The following PLGRKT variants were observed in gnomAD, a reference collection of about 807,000 sequenced individuals.
PLGRKT encodes the protein plasminogen receptor with a C-terminal lysine, also known as plasminogen receptor (KT).
Under a neutral mutation model 18.5 loss-of-function variants are expected in PLGRKT, and 22 were observed. The ratio of observed to expected loss-of-function variants is 1.19; its 90% CI spans 0.85 to 1.70. The LOEUF is 1.70. Among genes scored for constraint, PLGRKT ranks in the 40% most tolerant of loss-of-function variants. The pLI, the probability that PLGRKT is intolerant of heterozygous loss-of-function variation, is 0.00. For missense variants in PLGRKT, 235 were observed against 174.4 expected (o/e 1.35, Z -1.96); for synonymous variants, 72 against 52.8 (o/e 1.36, Z -1.58).
intron 3 of PLGRKT, 126 bp downstream of exon 3, chr9:5,431,771 G>A (rs1818830705): frequency 1.7e-6 from 1 of 598,878 alleles, no homozygotes; most frequent in East Asian, 2.8e-5. Context: ...TTTTATCTTG[G>A]TTTTAAGGAT....
In PLGRKT at chr9:5,358,234, T is replaced by C; in HGVS notation, c.*5A>G. On this transcript the variant is annotated 3_prime_UTR_variant, in exon 6 of 6. Coordinates refer to ENST00000223864, the MANE Select transcript of PLGRKT (RefSeq NM_018465.4). ...TGCTTTGAGATTTGATTGGTAAGCA[T>C]GATTTCATTTGTCTATGAAGAATCT... 1 of 1,606,376 alleles carries C rather than the reference T, an allele frequency of 6.2e-7. No homozygotes were observed. The highest frequency in any genetic ancestry group is 8.5e-7 in the Non-Finnish European group (1 of 1,174,090).
chr9:5,360,546 C>A (rs901933657), intron 5 of PLGRKT, among the ~76,000 whole-genome samples: 3 of 152,142 alleles, frequency 2.0e-5, no homozygotes, highest in Non-Finnish European at 4.4e-5. Flanking sequence ...GAAGTCAAGC[C>A]TTGATTTGGC....
intron 3 of PLGRKT, among the ~76,000 whole-genome samples, chr9:5,391,979 G>A (rs1427946465): frequency 1.3e-5 from 2 of 151,852 alleles, no homozygotes; most frequent in Non-Finnish European, 2.9e-5. Context: ...GCACAGAGAG[G>A]AGAAGTTGGT....
At chr9:5,387,330 C>G (rs899402652) in intron 3 of PLGRKT, among the ~76,000 whole-genome samples, 13 of 151,714 alleles carry the variant, frequency 8.6e-5, no homozygotes, top group Non-Finnish European at 1.6e-4. Context: ...ATTGAGTACC[C>G]AAGAGGAATG....
At chr9:5,384,510 T>C (rs1036147961) in intron 3 of PLGRKT, among the ~76,000 whole-genome samples, 2 of 152,176 alleles carry the variant, frequency 1.3e-5, no homozygotes, top group Non-Finnish European at 2.9e-5. Flanking sequence ...TGACTGTGAC[T>C]GTGTACTCAG....
At chr9:5,394,140 G>A (rs944205301) in intron 3 of PLGRKT, among the ~76,000 whole-genome samples, 5 of 151,908 alleles carry the variant, frequency 3.3e-5, no homozygotes, top group Admixed American at 3.3e-4. Flanking sequence ...TTTCGGAAGT[G>A]AAAGTTTCAA....
intron 5 of PLGRKT, 37 bp from the exon 6 acceptor site, chr9:5,358,397 G>C (rs751466611): frequency 1.9e-6 from 3 of 1,604,120 alleles, no homozygotes; most frequent in Admixed American, 1.7e-5. Context: ...GGTGACAAAG[G>C]GGTCATCAGC....
At chr9:5,367,956 G>C (rs903076430) in intron 3 of PLGRKT, among the ~76,000 whole-genome samples, 3 of 152,194 alleles carry the variant, frequency 2.0e-5, no homozygotes, top group African/African-American at 7.2e-5. Context: ...CTCAAAAGAA[G>C]ACATATGCTT....
At chr9:5,389,408 G>A (rs775898402) in intron 3 of PLGRKT, among the ~76,000 whole-genome samples, 1 of 151,894 alleles carries the variant, frequency 6.6e-6, no homozygotes. Context: ...AATTGTTTAT[G>A]TTCTGCAGGA....
intron 5 of PLGRKT, among the ~76,000 whole-genome samples, chr9:5,360,182 T>G (rs1310474244): frequency 6.6e-6 from 1 of 152,246 alleles, no homozygotes; most frequent in African/African-American, 2.4e-5. Flanking sequence ...GATAATAGTT[T>G]TTCAATATTA....
intron 3 of PLGRKT, among the ~76,000 whole-genome samples, chr9:5,370,390 T>C (rs1041191392): frequency 6.6e-6 from 1 of 152,208 alleles, no homozygotes; most frequent in African/African-American, 2.4e-5. Context: ...CACAAAACAT[T>C]GTATAACACA....
At chr9:5,365,872 G>T (rs544248918) in intron 3 of PLGRKT, among the ~76,000 whole-genome samples, 2 of 151,908 alleles carry the variant, frequency 1.3e-5, no homozygotes, top group East Asian at 3.8e-4. Context: ...ATTCTGAGTC[G>T]GTTCCCTTAC....
At chr9:5,379,192 A>G (rs1322672073) in intron 3 of PLGRKT, among the ~76,000 whole-genome samples, 2 of 152,230 alleles carry the variant, frequency 1.3e-5, no homozygotes, top group African/African-American at 4.8e-5. Flanking sequence ...ATCCATTAAT[A>G]GTTATTCACA....
intron 3 of PLGRKT, among the ~76,000 whole-genome samples, chr9:5,394,648 G>A (rs1031278459): frequency 6.6e-6 from 1 of 151,656 alleles, no homozygotes; most frequent in African/African-American, 2.4e-5. Flanking sequence ...CCTGACCTCA[G>A]GTGATCCACC....
rs1038116249 is a variant in PLGRKT, at chr9:5,418,907, C to G, written c.81+12990G>C. 2.4e-5 allele frequency: 22 copies of G among 904,612 alleles called. No homozygotes were observed. Among genetic ancestry groups the G allele is most frequent in the Non-Finnish European group, 3.6e-5 (20 of 560,354 alleles). The allele number at this position is 904,612 out of a possible 1,614,324, so 56.0% of individuals were successfully genotyped here. On this transcript the variant is annotated intron_variant, in intron 3 of 5. Coordinates refer to ENST00000223864, the MANE Select transcript of PLGRKT (RefSeq NM_018465.4). This position sits in a 1 kb window ranked among gnomAD's most constrained non-coding sequence, Gnocchi z 4.2. Reference sequence around the variant, plus strand: ...GTGTGCTTGCAATCCAGCAACTTGGCCTTCACTAGGGGCTGCAGTAATTAA... The same window carrying G: ...GTGTGCTTGCAATCCAGCAACTTGGGCTTCACTAGGGGCTGCAGTAATTAA...
intron 3 of PLGRKT, among the ~76,000 whole-genome samples, chr9:5,419,757 C>T (rs1204788089): frequency 6.6e-6 from 1 of 152,126 alleles, no homozygotes; most frequent in African/African-American, 2.4e-5. Flanking sequence ...AATGGTAACC[C>T]TTACACTTTA....
In PLGRKT at chr9:5,385,406, C is replaced by T. The variant is rs143619322; in HGVS notation, c.82-23518G>A. ...AGAGACATGGTTTCACTGTGTTAGC[C>T]AGGATGGTCTCGATCTCCTGACCTC... On this transcript the variant is annotated intron_variant, in intron 3 of 5. Transcript: ENST00000223864. Among the ~76,000 whole-genome samples the T allele has an allele frequency of 6.6e-3, 997 of 151,672 alleles. 19 individuals are homozygous for T. The highest frequency in any genetic ancestry group is 0.023 in the African/African-American group (957 of 41,176).
At chr9:5,427,417 G>GAA (rs367884089) in intron 3 of PLGRKT, among the ~76,000 whole-genome samples, 1 of 148,580 alleles carries the variant, frequency 6.7e-6, no homozygotes, top group African/African-American at 2.5e-5. Flanking sequence ...TTCTCAATAT[G>GAA]AAAAAAAAAA....
chr9:5,432,573 C>G (rs1239247029), intron 2 of PLGRKT, among the ~76,000 whole-genome samples: 1 of 151,676 alleles, frequency 6.6e-6, no homozygotes, highest in Non-Finnish European at 1.5e-5. Context: ...TCTCGGCTCG[C>G]TGCAACCTCC....
Sources: gnomAD v4.1 joint callset for allele counts (sites outside exome capture counted in the v4.1 genomes callset) on GRCh38, gnomAD v4.1.1 for gene constraint, Gnocchi (gnomAD v3.1) non-coding constraint, MANE v1.5 for transcripts, NCBI Gene and HGNC (gene_info 2026-07-23, HGNC 2026-07-21) for gene names.